The following SLX4IP variants were observed in gnomAD, a reference collection of about 807,000 sequenced individuals.
The protein encoded by SLX4IP is SLX4 interacting protein.
In SLX4IP, 34 loss-of-function variants were observed where a neutral mutation model predicts 32.9. The ratio of observed to expected loss-of-function variants is 1.03; its 90% confidence interval spans 0.79 to 1.38. SLX4IP has a LOEUF of 1.38. Ranked by LOEUF, SLX4IP falls within the 40% of genes most tolerant of loss-of-function variation. The pLI, the probability that SLX4IP is intolerant of heterozygous loss-of-function variation, is 0.00. For synonymous variants in SLX4IP, 172 were observed against 171.7 expected (o/e 1.00, Z -0.01); for missense variants, 444 against 479.0 (o/e 0.93, Z 0.68).
At chr20:10,442,371 A>G (rs998185772) in intron 1 of SLX4IP, among the ~76,000 whole-genome samples, 3 of 152,168 alleles carry the variant, frequency 2.0e-5, no homozygotes, top group African/African-American at 7.2e-5. Flanking sequence ...AGCTCTTAGG[A>G]TCTTTCTCAC....
intron 4 of SLX4IP, among the ~76,000 whole-genome samples, chr20:10,563,465 A>G (rs548272295): frequency 3.3e-5 from 5 of 152,332 alleles, no homozygotes; most frequent in South Asian, 4.1e-4. Context: ...AGTCTGATTC[A>G]TAAAATCCTT....
At chr20:10,506,878 C>T (rs1298859464) in intron 2 of SLX4IP, among the ~76,000 whole-genome samples, 1 of 152,088 alleles carries the variant, frequency 6.6e-6, no homozygotes, top group East Asian at 1.9e-4. Context: ...GTTTATTTTC[C>T]CGACTTTATT....
chr20:10,528,493 G>GA (rs1447902809), intron 2 of SLX4IP, among the ~76,000 whole-genome samples: 22 of 152,036 alleles, frequency 1.4e-4, no homozygotes, highest in African/African-American at 5.3e-4. Context: ...TTATGAAGAA[G>GA]AAAATAATTT....
intron 2 of SLX4IP, among the ~76,000 whole-genome samples, chr20:10,553,647 C>T (rs1372005291): frequency 6.6e-6 from 1 of 152,204 alleles, no homozygotes; most frequent in Admixed American, 6.5e-5. Flanking sequence ...TTTTTTATTA[C>T]AACCCACAAT....
chr20:10,601,992 G>T (rs1416171927), intron 6 of SLX4IP, among the ~76,000 whole-genome samples, 173 bp downstream of exon 6: 1 of 152,208 alleles, frequency 6.6e-6, no homozygotes, highest in Non-Finnish European at 1.5e-5. Flanking sequence ...ACTAATTCGT[G>T]TATTGTTCTT....
At chr20:10,459,149 C>T (rs1041136552) in intron 2 of SLX4IP, among the ~76,000 whole-genome samples, 1 of 152,106 alleles carries the variant, frequency 6.6e-6, no homozygotes, top group Non-Finnish European at 1.5e-5. Context: ...GCTGGCTACA[C>T]GAATGTCCTT....
intron 4 of SLX4IP, among the ~76,000 whole-genome samples, chr20:10,583,632 T>C (rs903065235): frequency 5.9e-5 from 9 of 152,184 alleles, no homozygotes; most frequent in Non-Finnish European, 8.8e-5. Context: ...CTGGGGTCCC[T>C]TGTGTGAGAA....
chr20:10,621,650 C>G (rs962393153), intron 7 of SLX4IP, among the ~76,000 whole-genome samples: 1 of 152,070 alleles, frequency 6.6e-6, no homozygotes, highest in Non-Finnish European at 1.5e-5. Flanking sequence ...AGATGAAAAG[C>G]ACCTGTTGGT....
chr20:10,481,663 G>T (rs1234605604), intron 2 of SLX4IP, among the ~76,000 whole-genome samples: 11 of 151,924 alleles, frequency 7.2e-5, no homozygotes, highest in Admixed American at 7.2e-4. Flanking sequence ...CCCTATGTTG[G>T]TTACCTATTT....
At chr20:10,497,421 T>C (rs1288572114) in intron 2 of SLX4IP, among the ~76,000 whole-genome samples, 1 of 152,160 alleles carries the variant, frequency 6.6e-6, no homozygotes, top group Non-Finnish European at 1.5e-5. Context: ...GATGTGGATT[T>C]ATCTTTTTTG....
intron 2 of SLX4IP, among the ~76,000 whole-genome samples, chr20:10,527,179 A>G (rs675772): frequency 0.54 from 82,501 of 152,094 alleles, 23,023 homozygotes; most frequent in South Asian, 0.72. Context: ...CGCTGGCTCT[A>G]TAAAAGCTAT....
At chr20:10,453,307 CGTGTGTGTGTGTGT>C (rs1555805264) in intron 1 of SLX4IP, among the ~76,000 whole-genome samples, 5 of 142,886 alleles carry the variant, frequency 3.5e-5, no homozygotes, top group Non-Finnish European at 7.6e-5. Context: ...AAAACTCATC[CGTGTGTGTGTGTGT>C]GTGTGTGTGT....
intron 2 of SLX4IP, among the ~76,000 whole-genome samples, chr20:10,517,610 A>G (rs1172695174): frequency 6.6e-6 from 1 of 152,158 alleles, no homozygotes; most frequent in Non-Finnish European, 1.5e-5. Flanking sequence ...CAGTAGCTAC[A>G]TTTCTCATCA....
At chr20:10,442,377 C>T (rs186952350) in intron 1 of SLX4IP, among the ~76,000 whole-genome samples, 1 of 152,278 alleles carries the variant, frequency 6.6e-6, no homozygotes, top group East Asian at 1.9e-4. Context: ...TAGGATCTTT[C>T]TCACTCCACT....
At chr20:10,484,450 G>A (rs1451906856) in intron 2 of SLX4IP, among the ~76,000 whole-genome samples, 3 of 152,126 alleles carry the variant, frequency 2.0e-5, no homozygotes, top group Admixed American at 6.6e-5. Flanking sequence ...GTATCTATTA[G>A]TAGTATGCCA....
intron 6 of SLX4IP, among the ~76,000 whole-genome samples, chr20:10,604,625 C>T (rs762391861): frequency 1.2e-4 from 18 of 152,358 alleles, no homozygotes; most frequent in Admixed American, 1.1e-3. Context: ...AATGCAGCCA[C>T]GCTGCCCCTA....
At chr20:10,598,544 G>T (rs1201477115) in intron 4 of SLX4IP, 131 bp from the exon 5 acceptor site, 3 of 853,192 alleles carry the variant, frequency 3.5e-6, no homozygotes, top group South Asian at 1.5e-5. Flanking sequence ...GATTACAGGC[G>T]TGAGTCATCA....
At chr20:10,459,017 A>G (rs1268534023) in intron 2 of SLX4IP, among the ~76,000 whole-genome samples, 1 of 152,236 alleles carries the variant, frequency 6.6e-6, no homozygotes, top group African/African-American at 2.4e-5. Flanking sequence ...CAATCTCACC[A>G]GCATCTGTTG....
At chr20:10,586,430 G>A (rs549517082) in intron 4 of SLX4IP, among the ~76,000 whole-genome samples, 12 of 152,210 alleles carry the variant, frequency 7.9e-5, no homozygotes, top group East Asian at 1.9e-4. Flanking sequence ...TTAATATAAC[G>A]AATTTGCTAG....
Sources: gnomAD v4.1 joint callset for allele counts (sites outside exome capture counted in the v4.1 genomes callset) on GRCh38, gnomAD v4.1.1 for gene constraint, MANE v1.5 for transcripts, NCBI Gene and HGNC (gene_info 2026-07-23, HGNC 2026-07-21) for gene names.